Variants in TAF4B observed in about 807,000 individuals in gnomAD.
TAF4B encodes TATA-box binding protein associated factor 4b.
In TAF4B, 38 loss-of-function variants were observed where a neutral mutation model predicts 86.4. The ratio of observed to expected loss-of-function variants is 0.44; its 90% CI spans 0.34 to 0.58. The LOEUF (loss-of-function observed/expected upper bound fraction) is 0.58. TAF4B is among the 20% of genes least tolerant of loss of function. TAF4B has a pLI of 0.02. For synonymous variants in TAF4B, 388 were observed against 391.2 expected (o/e 0.99, Z 0.10); for missense variants, 988 against 1,027.6 (o/e 0.96, Z 0.53).
At chr18:26,264,766 C>G (rs2056215560) in intron 1 of TAF4B, among the ~76,000 whole-genome samples, 1 of 152,310 alleles carries the variant, frequency 6.6e-6, no homozygotes, top group African/African-American at 2.4e-5. Context: ...GAATAGTCTC[C>G]TTTCCTCATA....
chr18:26,340,495 A>G (rs1247168430), intron 13 of TAF4B, among the ~76,000 whole-genome samples: 1 of 152,214 alleles, frequency 6.6e-6, no homozygotes, highest in East Asian at 1.9e-4. Context: ...TAACTTGTGT[A>G]TGACAGCAGA....
chr18:26,360,074 G>A (rs1357569233), intron 14 of TAF4B, among the ~76,000 whole-genome samples: 4 of 151,776 alleles, frequency 2.6e-5, no homozygotes, highest in African/African-American at 9.7e-5. Flanking sequence ...AACTTTCTTA[G>A]GTTAAAATTT....
intron 11 of TAF4B, among the ~76,000 whole-genome samples, chr18:26,323,231 T>C (rs1447567075): frequency 6.6e-6 from 1 of 152,220 alleles, no homozygotes; most frequent in Non-Finnish European, 1.5e-5. Context: ...GTCTGATAGA[T>C]ATAGTTGGTT....
chr18:26,346,396 AT>A (rs1380682838), intron 13 of TAF4B, among the ~76,000 whole-genome samples: 1 of 145,358 alleles, frequency 6.9e-6, no homozygotes, highest in African/African-American at 2.5e-5. Flanking sequence ...CATTATGGGC[AT>A]TCCGGAAGGA....
intron 14 of TAF4B, among the ~76,000 whole-genome samples, chr18:26,383,039 TTGTC>T (rs915719307): frequency 2.0e-5 from 3 of 152,202 alleles, no homozygotes; most frequent in African/African-American, 7.2e-5. Flanking sequence ...GTGCAATTAA[TTGTC>T]TGTATCAAAA....
At chr18:26,359,224 C>A (rs973855712) in intron 14 of TAF4B, among the ~76,000 whole-genome samples, 5 of 152,192 alleles carry the variant, frequency 3.3e-5, no homozygotes, top group African/African-American at 1.2e-4. Context: ...TATGACATTA[C>A]TGTATTTAAG....
intron 7 of TAF4B, 140 bp downstream of exon 7, chr18:26,286,639 TCATTTGCTTTG>T: frequency 2.4e-6 from 2 of 848,888 alleles, no homozygotes; most frequent in South Asian, 2.0e-5. Flanking sequence ...TTTTTTTACC[TCATTTGCTTTG>T]TTTTCCTCTT....
intron 13 of TAF4B, among the ~76,000 whole-genome samples, chr18:26,342,770 G>C (rs1444841005): frequency 6.6e-6 from 1 of 152,166 alleles, no homozygotes; most frequent in Non-Finnish European, 1.5e-5. Context: ...AGAAATGAAG[G>C]CTTCTGCCTT....
At chr18:26,291,426 G>A (rs2056591077) in intron 7 of TAF4B, among the ~76,000 whole-genome samples, 1 of 152,026 alleles carries the variant, frequency 6.6e-6, no homozygotes, top group African/African-American at 2.4e-5. Flanking sequence ...ATCCCCGCTG[G>A]GATTACGGCT....
At chr18:26,358,173 A>G (rs1177766413) in intron 14 of TAF4B, among the ~76,000 whole-genome samples, 1 of 152,176 alleles carries the variant, frequency 6.6e-6, no homozygotes, top group Admixed American at 6.5e-5. Flanking sequence ...TACTTCTTTC[A>G]TAAACCCTGA....
chr18:26,273,124 T>G (rs2056341637), intron 3 of TAF4B, among the ~76,000 whole-genome samples: 1 of 152,204 alleles, frequency 6.6e-6, no homozygotes, highest in South Asian at 2.1e-4. Flanking sequence ...TCTGTTTTTC[T>G]AGAACATGTT....
intron 14 of TAF4B, among the ~76,000 whole-genome samples, chr18:26,374,847 G>C (rs1487595851): frequency 1.3e-5 from 2 of 152,128 alleles, no homozygotes; most frequent in Non-Finnish European, 2.9e-5. Flanking sequence ...TGAAGGAAAA[G>C]TAAACATAAG....
At chr18:26,255,831 A>T in intron 1 of TAF4B, 1 of 1,407,754 alleles carries the variant, frequency 7.1e-7, no homozygotes, top group Non-Finnish European at 1.0e-6. Flanking sequence ...GCCTTTATAG[A>T]TGATCCCACA....
chr18:26,286,525 A>G (rs2056525866), intron 7 of TAF4B, 26 bp downstream of exon 7: 1 of 1,558,928 alleles, frequency 6.4e-7, no homozygotes, highest in Non-Finnish European at 8.6e-7. Flanking sequence ...TTTCTTCCCC[A>G]GTTACTTATT....
chr18:26,371,476 C>T (rs1471232552), intron 14 of TAF4B, among the ~76,000 whole-genome samples: 4 of 152,090 alleles, frequency 2.6e-5, no homozygotes, highest in Non-Finnish European at 5.9e-5. Flanking sequence ...AAACTAGGTC[C>T]TGGAATTCAT....
chr18:26,267,742 T>C (rs1453106310), intron 3 of TAF4B, 119 bp downstream of exon 3: 2 of 673,208 alleles, frequency 3.0e-6, no homozygotes, highest in African/African-American at 1.8e-5. Flanking sequence ...AATTCAGTAA[T>C]ATATGATGGC....
intron 12 of TAF4B, among the ~76,000 whole-genome samples, chr18:26,331,812 A>T (rs1169768635): frequency 6.6e-6 from 1 of 152,176 alleles, no homozygotes; most frequent in Admixed American, 6.5e-5. Context: ...TTCCTTCTAC[A>T]GTCCATTCCT....
At chr18:26,332,388 G>C (rs1412964480) in intron 12 of TAF4B, among the ~76,000 whole-genome samples, 1 of 152,204 alleles carries the variant, frequency 6.6e-6, no homozygotes, top group East Asian at 1.9e-4. Context: ...ATTGCTCTGC[G>C]TGCCTTTCCG....
At chr18:26,230,377 T>C (rs1274290156) in intron 1 of TAF4B, among the ~76,000 whole-genome samples, 3 of 152,238 alleles carry the variant, frequency 2.0e-5, no homozygotes, top group Non-Finnish European at 4.4e-5. Context: ...ATCCAGTCCT[T>C]GGATAAGTTC....
Sources: allele counts gnomAD v4.1 joint callset (sites outside exome capture counted in the v4.1 genomes callset), GRCh38; gene constraint gnomAD v4.1.1; transcripts MANE v1.5; gene names NCBI Gene and HGNC (gene_info 2026-07-23, HGNC 2026-07-21).